Variants in DNAH14 observed in about 807,000 individuals in gnomAD.
DNAH14 encodes the protein dynein axonemal heavy chain 14.
Under a neutral mutation model 520.9 loss-of-function variants are expected in DNAH14, and 478 were observed. The ratio of observed to expected loss-of-function variants is 0.92; its 90% CI spans 0.85 to 0.99. The LOEUF is 0.99. DNAH14 is among the 50% of genes least tolerant of loss of function. The probability of loss-of-function intolerance (pLI) is 0.00; values close to 1 mark genes in which losing one functional copy is unlikely to be tolerated. For missense variants in DNAH14, 4,831 were observed against 5,234.5 expected, an observed-to-expected ratio of 0.92 and a Z score of 2.38; for synonymous variants, 1,581 against 1,757.2, an observed-to-expected ratio of 0.90 and a Z score of 2.51.
intron 15 of DNAH14, among the ~76,000 whole-genome samples, chr1:225,049,559 C>T (rs2068306201): frequency 1.3e-5 from 2 of 152,094 alleles, no homozygotes; most frequent in Admixed American, 1.3e-4. Flanking sequence ...TACAGCTCAT[C>T]AGTTTTTTTC....
At chr1:225,331,355 T>C (rs2094793825) in intron 64 of DNAH14, 82 bp from the exon 65 acceptor site, 1 of 1,367,278 alleles carries the variant, frequency 7.3e-7, no homozygotes, top group Non-Finnish European at 9.9e-7. Context: ...GGTAACACTA[T>C]ATTTATATAA....
At chr1:225,262,555 A>G (rs1450546488) in intron 46 of DNAH14, among the ~76,000 whole-genome samples, 1 of 151,910 alleles carries the variant, frequency 6.6e-6, no homozygotes, top group Non-Finnish European at 1.5e-5. Flanking sequence ...TCATTCTTCT[A>G]TATGATGTGG....
At chr1:225,096,458 A>G (rs2074984265) in intron 21 of DNAH14, among the ~76,000 whole-genome samples, 1 of 152,298 alleles carries the variant, frequency 6.6e-6, no homozygotes, top group East Asian at 1.9e-4. Context: ...GGGATGGACA[A>G]GTCCACTGGT....
chr1:224,970,025 T>G (rs1439481288), intron 7 of DNAH14, among the ~76,000 whole-genome samples: 1 of 152,200 alleles, frequency 6.6e-6, no homozygotes, highest in Non-Finnish European at 1.5e-5. Flanking sequence ...ACAAGAGAGA[T>G]AACCTTAAAT....
At chr1:225,341,609 T>G (rs1321306865) in intron 69 of DNAH14, among the ~76,000 whole-genome samples, 1 of 152,178 alleles carries the variant, frequency 6.6e-6, no homozygotes. Flanking sequence ...GAGGTTGCGG[T>G]GAGTCAAGAT....
Position 225,276,100 on chromosome 1 carries a change from TA to T in DNAH14, c.8178+24del. The T allele has an allele frequency of 4.1e-6, 1 of 245,634 alleles. No homozygotes were observed. The highest frequency in any genetic ancestry group is 8.7e-6 in the Non-Finnish European group (1 of 115,176). 15.2% of individuals were successfully genotyped at this position (245,634 alleles called of 1,614,324 possible). A position where few individuals can be genotyped will look rare whatever the true frequency, so the allele number is the denominator to read the frequency against. ...TTTGGAGGTAAACATATATACTATA[TA>T]AAAATCTGAGGAGTGCTATATATGT... is the stretch of plus-strand genomic sequence containing the variant. On this transcript the variant is annotated intron_variant, in intron 53 of 85. Coordinates refer to ENST00000682510, the MANE Select transcript of DNAH14 (RefSeq NM_001367479.1).
intron 69 of DNAH14, among the ~76,000 whole-genome samples, chr1:225,341,006 G>A (rs567504756): frequency 1.3e-5 from 2 of 152,136 alleles, no homozygotes; most frequent in Admixed American, 1.3e-4. Context: ...CTGTACTTCA[G>A]GTACAGACAT....
intron 38 of DNAH14, among the ~76,000 whole-genome samples, chr1:225,199,354 C>T (rs924571571): frequency 2.0e-5 from 3 of 151,808 alleles, no homozygotes; most frequent in Admixed American, 6.6e-5. Context: ...GCTCTGATCT[C>T]GGTTATTTTC....
chr1:225,338,941 G>A (rs905880495), intron 68 of DNAH14, among the ~76,000 whole-genome samples: 10 of 152,024 alleles, frequency 6.6e-5, no homozygotes, highest in African/African-American at 1.5e-4. Context: ...CCTGTTGGTC[G>A]CTGTGTCCTC....
chr1:225,204,619 A>G (rs1573969234), intron 39 of DNAH14, among the ~76,000 whole-genome samples: 1 of 152,322 alleles, frequency 6.6e-6, no homozygotes, highest in East Asian at 1.9e-4. Flanking sequence ...TGGGACTCCA[A>G]ACAATTTGTA....
intron 65 of DNAH14, 86 bp from the exon 66 acceptor site, chr1:225,333,205 A>G: frequency 9.1e-7 from 1 of 1,101,456 alleles, no homozygotes; most frequent in South Asian, 1.9e-5. Context: ...TTGCAATGAT[A>G]GATCCAACTT....
At chr1:225,265,474 T>G in intron 48 of DNAH14, 105 bp downstream of exon 48, 1 of 986,168 alleles carries the variant, frequency 1.0e-6, no homozygotes, top group South Asian at 2.1e-5. Context: ...TAACACACAT[T>G]TTTGAACATC....
At chr1:225,129,026 GACAA>G (rs1324003419) in intron 27 of DNAH14, among the ~76,000 whole-genome samples, 7 of 151,890 alleles carry the variant, frequency 4.6e-5, no homozygotes, top group Admixed American at 2.6e-4. Context: ...ACCAATAACA[GACAA>G]ACAGAGAGCC....
At chr1:225,021,177 C>G (rs1444414266) in intron 10 of DNAH14, among the ~76,000 whole-genome samples, 11 of 152,150 alleles carry the variant, frequency 7.2e-5, no homozygotes, top group Non-Finnish European at 1.5e-5. Flanking sequence ...ATATGGCAAG[C>G]ACACAGTGAA....
At position 225,259,079 on chromosome 1, in the gene DNAH14, T is replaced by C. The variant is rs116033837; in HGVS notation, c.7025-42T>C. Reference sequence around the variant, plus strand: ...ATTTTAATGTGTTAACATGTATCATTTTCTTGCATATACATCTAACCTTGT... The same window carrying C: ...ATTTTAATGTGTTAACATGTATCATCTTCTTGCATATACATCTAACCTTGT... On this transcript the variant is annotated intron_variant, in intron 45 of 85. Coordinates refer to ENST00000682510, the MANE Select transcript of DNAH14 (RefSeq NM_001367479.1). 1,834 of 1,486,190 alleles carry C rather than the reference T, an allele frequency of 1.2e-3. 10 individuals carry two copies. The African/African-American group carries it at 0.022, about 17-fold the overall frequency. The allele number at this position is 1,486,190 out of a possible 1,614,324, so 92.1% of individuals were successfully genotyped here. A position where few individuals can be genotyped will look rare whatever the true frequency, so the allele number is the denominator to read the frequency against.
chr1:225,346,434 A>G (rs2095287253), intron 70 of DNAH14, 22 bp from the exon 71 acceptor site: 1 of 1,536,628 alleles, frequency 6.5e-7, no homozygotes, highest in Admixed American at 2.2e-5. Context: ...CACTGGATTA[A>G]TATGTTATAT....
chr1:225,220,372 C>G (rs1262842775), intron 41 of DNAH14, among the ~76,000 whole-genome samples: 1 of 152,188 alleles, frequency 6.6e-6, no homozygotes, highest in Admixed American at 6.5e-5. Context: ...CAAATTGCCT[C>G]TGTTCGCAAA....
At chr1:225,215,479 G>A (rs1024358414) in intron 41 of DNAH14, among the ~76,000 whole-genome samples, 10 of 152,130 alleles carry the variant, frequency 6.6e-5, no homozygotes, top group African/African-American at 9.7e-5. Flanking sequence ...TTTCTGTCTC[G>A]TTGATCTGTC....
rs146070751 is a variant in DNAH14, at chr1:224,970,350, G to A, written c.767+1476G>A. On this transcript the variant is annotated intron_variant, in intron 7 of 85. Coordinates refer to ENST00000682510, the MANE Select transcript of DNAH14 (RefSeq NM_001367479.1). ...GATAAGATGTTATCAGTGACAATGC[G>A]TGCCCGAAACTTCATTGGCAATTTT... is the stretch of plus-strand genomic sequence containing the variant. Among the ~76,000 whole-genome samples, 659 of 152,204 alleles carry A rather than the reference G, an allele frequency of 4.3e-3. 3 individuals are homozygous for A. The highest frequency in any genetic ancestry group is 0.015 in the African/African-American group (626 of 41,528).
Sources: gnomAD v4.1 joint callset for allele counts (sites outside exome capture counted in the v4.1 genomes callset) on GRCh38, gnomAD v4.1.1 for gene constraint, MANE v1.5 for transcripts, NCBI Gene and HGNC (gene_info 2026-07-23, HGNC 2026-07-21) for gene names.